The following L1CAM variants were observed in gnomAD, a reference collection of about 807,000 sequenced individuals.
The protein encoded by L1CAM is L1 cell adhesion molecule, also known as neural cell adhesion molecule L1.
L1CAM carries 8 observed loss-of-function variants against 93.0 expected under a neutral mutation model. The ratio of observed to expected loss-of-function variants is 0.09; its 90% CI spans 0.05 to 0.16. The LOEUF (loss-of-function observed/expected upper bound fraction) is 0.16. Among genes scored for constraint, L1CAM ranks in the 10% least tolerant of loss-of-function variants. The probability of loss-of-function intolerance (pLI) is 1.00; values close to 1 mark genes in which losing one functional copy is unlikely to be tolerated. For synonymous variants in L1CAM, 453 were observed against 453.0 expected, an observed-to-expected ratio of 1.00 and a Z score of 0.00; for missense variants, 777 against 1,073.4, an observed-to-expected ratio of 0.72 and a Z score of 3.86.
At chrX:153,865,874 G>C (rs2064708786) in intron 19 of L1CAM, 55 bp from the exon 20 acceptor site, 1 of 835,224 alleles carries the variant, frequency 1.2e-6, no homozygotes, top group Admixed American at 2.2e-5. Context: ...CAGCCCTGAG[G>C]CCAGGCCCAA....
chrX:153,868,930 A>G lies in L1CAM; in HGVS notation c.1290T>C (p.Thr430=). 8.3e-7 allele frequency: 1 copy of G among 1,210,929 alleles called. No homozygotes were observed. The highest frequency in any genetic ancestry group is 1.8e-5 in the South Asian group (1 of 57,011). ...CAGCCATGTACGTCTGATTGTCCGC[A>G]GTCAGGATCTTGGCTGGCAGCTCTA... ...YVVQLPAKIL[T]ADNQTYMAVQ... The change falls in exon 12 of 29, where the codon ACT becomes ACC. Residue 430 remains threonine, a synonymous_variant. Coordinates refer to ENST00000370060, the MANE Select transcript of L1CAM (RefSeq NM_001278116.2).
At chrX:153,878,786 C>T (rs1603277934) in intron 1 of L1CAM, among the ~76,000 whole-genome samples, 1 of 111,558 alleles carries the variant, frequency 9.0e-6, no homozygotes, top group East Asian at 2.8e-4. Context: ...AATCTAGAAT[C>T]CTGGAATGGT....
chrX:153,864,588 C>T lies in L1CAM; in HGVS notation c.3163G>A (p.Gly1055Arg), dbSNP rs1484399991. Reference protein sequence around the residue: ...FRFHILFKALGEEKGGASLSP... With the variant: ...FRFHILFKALREEKGGASLSP... The stretch of plus-strand genomic sequence containing the variant: ...CAAGGCCCCCTTTCACGCTTACCTC[C>T]CAAGGCTTTGAACAAGATATGGAAC... Residue 1055 changes from glycine to arginine, a missense_variant, in exon 24 of 29, where the codon GGA becomes AGA. Around this residue, in one of 5 missense-constraint regions of L1CAM, gnomAD observed 18 missense variants for 53.0 expected, o/e 0.34. Transcript: ENST00000370060. The T allele has an allele frequency of 9.1e-6, 11 of 1,209,307 alleles. No homozygotes were observed. The highest frequency in any genetic ancestry group is 3.5e-5 in the African/African-American group (2 of 57,074).
intron 1 of L1CAM, among the ~76,000 whole-genome samples, chrX:153,877,347 A>T (rs1352671742): frequency 3.9e-5 from 4 of 103,504 alleles, no homozygotes; most frequent in Non-Finnish European, 5.9e-5. Flanking sequence ...CTGTAATCCC[A>T]GCTACTCAGG....
chrX:153,875,419 AGGAGTC>A (rs2064805081), intron 2 of L1CAM, among the ~76,000 whole-genome samples: 1 of 110,862 alleles, frequency 9.0e-6, no homozygotes, highest in Admixed American at 9.4e-5. Context: ...ATGGAAGCGG[AGGAGTC>A]GGAGTGGGGC....
chrX:153,869,371 G>C (rs2064745597), intron 11 of L1CAM, 149 bp downstream of exon 11: 1 of 620,038 alleles, frequency 1.6e-6, no homozygotes, highest in Non-Finnish European at 2.6e-6. Context: ...GAGTGAGATG[G>C]GGCGAAGGGT....
chrX:153,879,795 G>A (rs184448875), intron 1 of L1CAM, among the ~76,000 whole-genome samples: 117 of 111,297 alleles, frequency 1.1e-3, no homozygotes, highest in African/African-American at 3.7e-3. Context: ...GGGGGGAGGG[G>A]GAAGCACCCA....
At chrX:153,877,186 G>A (rs1433795680) in intron 1 of L1CAM, among the ~76,000 whole-genome samples, 1 of 102,218 alleles carries the variant, frequency 9.8e-6, no homozygotes, top group Non-Finnish European at 2.0e-5. Context: ...GCTCACGCCT[G>A]TAATCCCAGC....
chrX:153,874,972 G>A (rs1254182256), intron 2 of L1CAM, among the ~76,000 whole-genome samples: 1 of 112,359 alleles, frequency 8.9e-6, no homozygotes, highest in Non-Finnish European at 1.9e-5. Context: ...TGGCCAGTAA[G>A]TAACAGAGTG....
At chrX:153,883,251 T>C (rs1193447499) in intron 1 of L1CAM, among the ~76,000 whole-genome samples, 1 of 108,797 alleles carries the variant, frequency 9.2e-6, no homozygotes, top group African/African-American at 3.4e-5. Flanking sequence ...AGCAGAGAGA[T>C]GGAGCAGAGC....
At chrX:153,880,924 T>C (rs2064841607) in intron 1 of L1CAM, among the ~76,000 whole-genome samples, 1 of 111,632 alleles carries the variant, frequency 9.0e-6, no homozygotes, top group South Asian at 3.8e-4. Flanking sequence ...GCCTGAGGCT[T>C]CAGTCTCCAA....
rs1439270313 is a variant in L1CAM at position 153,862,344 on chromosome X, GAC to G, written c.*317_*318del. 3.6e-6 allele frequency: 1 copy of G among 276,253 alleles called. No individual in the cohort carries two copies. The highest frequency in any genetic ancestry group is 2.7e-5 in the African/African-American group (1 of 36,551). The allele number at this position is 276,253 out of a possible 1,213,427, so 22.8% of individuals were successfully genotyped here. On this transcript the variant is annotated 3_prime_UTR_variant, in exon 29 of 29. Coordinates refer to ENST00000370060, the MANE Select transcript of L1CAM (RefSeq NM_001278116.2). The stretch of plus-strand genomic sequence containing the variant: ...CTGCCCCCAGTCAGGGAGCAAGAAA[GAC>G]AGCATTTCGGAGACCCTTTCGGGCC...
At chrX:153,863,705 A>G in intron 26 of L1CAM, 156 bp from the exon 27 acceptor site, 2 of 826,896 alleles carry the variant, frequency 2.4e-6, no homozygotes. Flanking sequence ...TCCAGCCACC[A>G]CTTGCCTGTT....
intron 6 of L1CAM, 34 bp downstream of exon 6, chrX:153,871,023 C>T (rs199754606): frequency 5.5e-5 from 67 of 1,208,975 alleles, no homozygotes; most frequent in Admixed American, 5.0e-4. Flanking sequence ...GCTAACACCC[C>T]GACCCCACGA....
chrX:153,863,589 G>A (rs1557089651), intron 26 of L1CAM, 40 bp from the exon 27 acceptor site: 1 of 1,137,910 alleles, frequency 8.8e-7, no homozygotes, highest in Non-Finnish European at 1.2e-6. Flanking sequence ...TCCCGCCCCA[G>A]CCTGACCCGG....
At chrX:153,878,368 G>A (rs1557095082) in intron 1 of L1CAM, among the ~76,000 whole-genome samples, 3 of 113,282 alleles carry the variant, frequency 2.6e-5, no homozygotes, top group Non-Finnish European at 5.6e-5. Context: ...AGAGGGTGGT[G>A]GAGAAGCAGC....
intron 1 of L1CAM, among the ~76,000 whole-genome samples, chrX:153,879,556 G>A (rs972945575): frequency 2.7e-5 from 3 of 112,425 alleles, no homozygotes; most frequent in African/African-American, 6.5e-5. Context: ...CGGCGTGGAC[G>A]TCACGCTGGC....
chrX:153,885,658 C>A (rs1183878302), intron 1 of L1CAM: 5 of 287,949 alleles, frequency 1.7e-5, no homozygotes, highest in Non-Finnish European at 2.9e-5. Flanking sequence ...ACGCCCAGGG[C>A]CACACCCCAC....
Position 153,870,802 on chromosome X carries a change from G to A in L1CAM, c.682C>T (p.Arg228Trp), listed in dbSNP as rs781866909. The change falls in exon 7 of 29, where the codon CGG (arginine) becomes TGG (tryptophan). Residue 228 changes from arginine to tryptophan, a missense_variant. This residue lies in a region of L1CAM where 574 missense variants were observed against 781.0 expected (regional missense o/e 0.73). Transcript: ENST00000370060. The stretch of plus-strand genomic sequence containing the variant: ...CTCTGAGACTCACTGGCCTTGACCC[G>A]GAGGTCAATGGGTTCCTTCTGAATG... ...TIIQKEPIDLRVKATNSMIDR... is the reference protein window; with the variant it reads ...TIIQKEPIDLWVKATNSMIDR... 2 of 1,208,886 alleles carry A rather than the reference G, an allele frequency of 1.7e-6. No homozygotes were observed. The highest frequency in any genetic ancestry group is 1.1e-6 in the Non-Finnish European group (1 of 893,001).
Sources: allele counts gnomAD v4.1 joint callset (sites outside exome capture counted in the v4.1 genomes callset), GRCh38; gene constraint gnomAD v4.1.1; regional missense constraint gnomAD v4.1.1; transcripts MANE v1.5; gene names NCBI Gene and HGNC (gene_info 2026-07-23, HGNC 2026-07-21).